The following RHOT1 variants were observed in gnomAD, a reference collection of about 807,000 sequenced individuals.
RHOT1 encodes the protein ras homolog family member T1, also known as mitochondrial Rho GTPase 1.
A neutral mutation model predicts 95.3 loss-of-function variants in RHOT1; 27 were observed. The observed-to-expected ratio is 0.28, with a 90% CI of 0.21 to 0.39. RHOT1 has a LOEUF of 0.39. Ranked by LOEUF, RHOT1 falls within the 10% of genes least tolerant of loss-of-function variation. The pLI is 1.00. For synonymous variants in RHOT1, 227 were observed against 263.5 expected, an observed-to-expected ratio of 0.86 and a Z score of 1.34; for missense variants, 578 against 786.7, an observed-to-expected ratio of 0.73 and a Z score of 3.17.
intron 8 of RHOT1, among the ~76,000 whole-genome samples, chr17:32,188,954 G>T (rs947825460): frequency 3.9e-5 from 6 of 152,142 alleles, no homozygotes; most frequent in African/African-American, 1.4e-4. Context: ...TCCGAATCCA[G>T]TATTTCCCAA....
chr17:32,173,015 A>T (rs2034701468), intron 2 of RHOT1: 1 of 152,238 alleles, frequency 6.6e-6, no homozygotes, highest in South Asian at 2.1e-4. Flanking sequence ...CAACATATTT[A>T]AAAAATCTAA....
At chr17:32,215,258 A>G (rs938388766) in intron 19 of RHOT1, among the ~76,000 whole-genome samples, 1 of 152,170 alleles carries the variant, frequency 6.6e-6, no homozygotes, top group Admixed American at 6.5e-5. Context: ...GTAGACAAGT[A>G]TTGGTCTCAA....
chr17:32,192,677 T>G (rs936105328), intron 9 of RHOT1, among the ~76,000 whole-genome samples: 4 of 149,730 alleles, frequency 2.7e-5, no homozygotes, highest in East Asian at 1.9e-4. Context: ...TTTTTTTTTT[T>G]TTTTTTGTTT....
At chr17:32,207,172 GGTTCTGGTTTT>G (rs2037818665) in intron 17 of RHOT1, 143 bp downstream of exon 17, 2 of 796,708 alleles carry the variant, frequency 2.5e-6, no homozygotes, top group African/African-American at 3.5e-5. Flanking sequence ...TATTCCTGAA[GGTTCTGGTTTT>G]GTTCTAAAGT....
Position 32,211,247 on chromosome 17 carries a change from C to T in RHOT1, c.1862+9C>T, listed in dbSNP as rs1189028411. On this transcript the variant is annotated intron_variant, in intron 19 of 19. Transcript: ENST00000545287. Reference sequence around the variant, plus strand: ...ACTGCAGTTCTTAACAGGTTCTTAACTTTATTTACTGGGTACCAGGCATTC... The same window carrying T: ...ACTGCAGTTCTTAACAGGTTCTTAATTTTATTTACTGGGTACCAGGCATTC... The T allele has an allele frequency of 6.3e-7, 1 of 1,594,488 alleles. No homozygotes were observed. Among genetic ancestry groups the T allele is most frequent in the South Asian group, 1.1e-5 (1 of 88,796 alleles).
At chr17:32,170,065 T>C (rs1371738228) in intron 1 of RHOT1, among the ~76,000 whole-genome samples, 1 of 151,654 alleles carries the variant, frequency 6.6e-6, no homozygotes, top group Non-Finnish European at 1.5e-5. Context: ...TTGTTAAGAG[T>C]TTATTTTAAT....
chr17:32,182,724 C>G (rs2035740337), intron 6 of RHOT1, 33 bp from the exon 7 acceptor site: 4 of 1,220,984 alleles, frequency 3.3e-6, no homozygotes, highest in Admixed American at 2.2e-5. Context: ...TGTCTTTTGC[C>G]TTCCTTATTA....
chr17:32,189,341 G>C (rs1296960246), intron 8 of RHOT1, among the ~76,000 whole-genome samples: 2 of 152,082 alleles, frequency 1.3e-5, no homozygotes, highest in Non-Finnish European at 2.9e-5. Flanking sequence ...AAAACACATA[G>C]ATTCCATTCT....
In RHOT1 at chr17:32,194,072, T is replaced by C; in HGVS notation, c.834T>C (p.Asp278=). Residue 278 remains aspartate, a synonymous_variant, in exon 11 of 20, where the codon GAT becomes GAC. Transcript: ENST00000545287. The part of the protein sequence containing the change: ...WTVLRRFGYD[D]DLDLTPEYLF... ...TGCTTCGACGATTTGGTTATGATGA[T>C]GACCTGGATTTGACACCTGAATATT... The C allele has an allele frequency of 6.2e-7, 1 of 1,614,220 alleles. No homozygotes were observed. The highest frequency in any genetic ancestry group is 8.5e-7 in the Non-Finnish European group (1 of 1,180,034).
intron 3 of RHOT1, among the ~76,000 whole-genome samples, chr17:32,174,743 T>A (rs2142549043): frequency 6.6e-6 from 1 of 152,342 alleles, no homozygotes; most frequent in South Asian, 2.1e-4. Context: ...CTTCAATTAT[T>A]TGCTTTCTAT....
intron 1 of RHOT1, among the ~76,000 whole-genome samples, chr17:32,161,680 A>G (rs1388438393): frequency 6.6e-6 from 1 of 152,216 alleles, no homozygotes; most frequent in Non-Finnish European, 1.5e-5. Context: ...GTTAGAAGCA[A>G]GATGGAGTCA....
Position 32,193,168 on chromosome 17 carries a change from A to G in RHOT1, c.672A>G (p.Gln224=). The G allele has an allele frequency of 6.2e-7, 1 of 1,613,072 alleles. No homozygotes were observed. Among genetic ancestry groups the G allele is most frequent in the Non-Finnish European group, 8.5e-7 (1 of 1,179,354 alleles). Residue 224 remains glutamine, a synonymous_variant, in exon 10 of 20, where the codon CAA becomes CAG. Transcript: ENST00000545287. ...GTTTCAACACTCCATTAGCTCCTCAAGCTCTGGAGGATGTCAAGAATGTAG... is the reference window on the plus strand; with the variant it reads ...GTTTCAACACTCCATTAGCTCCTCAGGCTCTGGAGGATGTCAAGAATGTAG... ...RICFNTPLAP[Q]ALEDVKNVVR... is the part of the protein sequence containing the mutation.
chr17:32,149,629 ATATATATGTG>A (rs1185378772), intron 1 of RHOT1, among the ~76,000 whole-genome samples: 3 of 87,492 alleles, frequency 3.4e-5, no homozygotes, highest in Non-Finnish European at 6.9e-5. Context: ...ATATATATAT[ATATATATGTG>A]TGTGTGTGTG....
chr17:32,142,815 C>A, intron 1 of RHOT1, 86 bp downstream of exon 1: 1 of 1,180,312 alleles, frequency 8.5e-7, no homozygotes. Flanking sequence ...CCTGCAGCCC[C>A]AACCTTTGCA....
intron 1 of RHOT1, among the ~76,000 whole-genome samples, chr17:32,168,584 C>T (rs1174593520): frequency 1.3e-5 from 2 of 150,010 alleles, no homozygotes; most frequent in Non-Finnish European, 3.0e-5. Context: ...TATATATATA[C>T]ACACACACAA....
chr17:32,161,890 AC>A (rs1162683338), intron 1 of RHOT1, among the ~76,000 whole-genome samples: 1 of 152,218 alleles, frequency 6.6e-6, no homozygotes, highest in African/African-American at 2.4e-5. Flanking sequence ...TCACGATTAT[AC>A]AAATGAACAA....
At chr17:32,180,888 T>C (rs2035584732) in intron 6 of RHOT1, among the ~76,000 whole-genome samples, 1 of 152,218 alleles carries the variant, frequency 6.6e-6, no homozygotes, top group South Asian at 2.1e-4. Context: ...TCTCACTATG[T>C]TATCCAGGAT....
At position 32,193,156 on chromosome 17, in the gene RHOT1, A is replaced by T; in HGVS notation, c.660A>T (p.Pro220=). Residue 220 remains proline (P), a synonymous_variant, in exon 10 of 20, where the codon CCA becomes CCT. Transcript: ENST00000545287. ...NFFQRICFNT[P]LAPQALEDVK... Reference sequence around the variant, plus strand: ...GCTAGAGGATTTGTTTCAACACTCCATTAGCTCCTCAAGCTCTGGAGGATG... The same window carrying T: ...GCTAGAGGATTTGTTTCAACACTCCTTTAGCTCCTCAAGCTCTGGAGGATG... 2 of 1,611,640 alleles carry T rather than the reference A, an allele frequency of 1.2e-6. No individual in the cohort carries two copies. Among genetic ancestry groups the T allele is most frequent in the Non-Finnish European group, 1.7e-6 (2 of 1,178,330 alleles).
intron 1 of RHOT1, among the ~76,000 whole-genome samples, chr17:32,165,336 C>CAAAAAAA (rs773728913): frequency 8.7e-5 from 3 of 34,318 alleles, no homozygotes; most frequent in African/African-American, 1.2e-4. Flanking sequence ...GACTCCGTCT[C>CAAAAAAA]AAAAAAAAAA....
Sources: allele counts gnomAD v4.1 joint callset (sites outside exome capture counted in the v4.1 genomes callset), GRCh38; gene constraint gnomAD v4.1.1; transcripts MANE v1.5; gene names NCBI Gene and HGNC (gene_info 2026-07-23, HGNC 2026-07-21).